The following SULF2 variants were observed in gnomAD, a reference collection of about 807,000 sequenced individuals.
The protein encoded by SULF2 is sulfatase 2.
A neutral mutation model predicts 107.7 loss-of-function variants in SULF2; 52 were observed. The observed-to-expected ratio is 0.48, with a 90% CI of 0.39 to 0.61. The LOEUF (loss-of-function observed/expected upper bound fraction) is 0.61. Ranked by LOEUF, SULF2 falls within the 20% of genes least tolerant of loss-of-function variation. The pLI is 0.00. For missense variants in SULF2, 993 were observed against 1,177.3 expected, an observed-to-expected ratio of 0.84 and a Z score of 2.29; for synonymous variants, 460 against 464.3, an observed-to-expected ratio of 0.99 and a Z score of 0.12.
intron 2 of SULF2, among the ~76,000 whole-genome samples, chr20:47,745,382 GAAA>G (rs1158560282): frequency 6.5e-3 from 338 of 51,826 alleles, no homozygotes; most frequent in Middle Eastern, 0.012. Context: ...AGTTTTGAGG[GAAA>G]AAAAAAAAAA....
chr20:47,712,033 C>G (rs113704998), intron 3 of SULF2, among the ~76,000 whole-genome samples: 12 of 152,300 alleles, frequency 7.9e-5, no homozygotes, highest in African/African-American at 2.4e-4. Context: ...AGCACATATA[C>G]ACACATACAC....
intron 1 of SULF2, among the ~76,000 whole-genome samples, chr20:47,783,812 C>G (rs2090873548): frequency 6.6e-6 from 1 of 152,178 alleles, no homozygotes; most frequent in Non-Finnish European, 1.5e-5. Flanking sequence ...CTTCGCCTTT[C>G]AAGCTGCTTA....
At chr20:47,767,121 C>T (rs1244301640) in intron 1 of SULF2, among the ~76,000 whole-genome samples, 11 of 152,126 alleles carry the variant, frequency 7.2e-5, no homozygotes, top group African/African-American at 1.4e-4. Flanking sequence ...ATCTCAGCTC[C>T]GTCACTTACT....
rs894716617 is a variant in SULF2, at chr20:47,665,431, C to T, written c.1903-138G>A. On this transcript the variant is annotated intron_variant, in intron 13 of 20. Transcript: ENST00000688720. Reference sequence around the variant, plus strand: ...ACTCCCCGGGCCCCAGGGCAAGCACCGGCATGTCTGGGTGGGGAGGAGGTA... The same window carrying T: ...ACTCCCCGGGCCCCAGGGCAAGCACTGGCATGTCTGGGTGGGGAGGAGGTA... 3 of 688,002 alleles carry T rather than the reference C, an allele frequency of 4.4e-6. No homozygotes were observed. In the South Asian group the frequency reaches 5.0e-5, roughly 12 times the overall value. The allele number at this position is 688,002 out of a possible 1,614,324, so 42.6% of individuals were successfully genotyped here.
intron 3 of SULF2, among the ~76,000 whole-genome samples, chr20:47,728,755 C>T (rs2089516470): frequency 2.6e-5 from 4 of 152,220 alleles, no homozygotes; most frequent in Non-Finnish European, 5.9e-5. Context: ...CAGTGGTTCT[C>T]CTGCCTCAGC....
At chr20:47,757,120 G>C in intron 2 of SULF2, 69 bp downstream of exon 2, 1 of 1,392,840 alleles carries the variant, frequency 7.2e-7, no homozygotes, top group Non-Finnish European at 9.6e-7. Context: ...CTTGCCTCAG[G>C]AGCCTCAGCC....
chr20:47,719,582 A>G (rs756577991), intron 3 of SULF2, among the ~76,000 whole-genome samples: 2 of 152,208 alleles, frequency 1.3e-5, no homozygotes, highest in Non-Finnish European at 2.9e-5. Context: ...AGCACCTATC[A>G]TCTCTAATCC....
chr20:47,744,933 T>C (rs968251837), intron 2 of SULF2, among the ~76,000 whole-genome samples: 10 of 151,924 alleles, frequency 6.6e-5, no homozygotes, highest in African/African-American at 2.2e-4. Context: ...CAAATGAATA[T>C]GTGTGTGTGT....
intron 3 of SULF2, among the ~76,000 whole-genome samples, chr20:47,714,396 G>A (rs569408522): frequency 7.4e-4 from 112 of 151,912 alleles, no homozygotes; most frequent in South Asian, 3.3e-3. Flanking sequence ...CCATGGAGGG[G>A]ACTTCAGCTC....
rs571219474 is a variant in SULF2 at position 47,762,029 on chromosome 20, C to T, written c.-100-4566G>A. 2.0e-5 allele frequency among the ~76,000 whole-genome samples: 3 copies of T among 152,344 alleles called. No individual in the cohort carries two copies. The South Asian group carries it at 6.2e-4, about 32-fold the overall frequency. The stretch of plus-strand genomic sequence containing the variant: ...TTTGTCTGCCATCACATAAGACGTG[C>T]CTTTCACCTTCCACCATGATTGTAA... On this transcript the variant is annotated intron_variant, in intron 1 of 20. Coordinates refer to ENST00000688720, the MANE Select transcript of SULF2 (RefSeq NM_001387048.1).
chr20:47,721,147 A>G (rs200318003), intron 3 of SULF2, among the ~76,000 whole-genome samples: 2 of 3,658 alleles, frequency 5.5e-4, no homozygotes, highest in South Asian at 0.032. Flanking sequence ...TCTGCTTTTG[A>G]AAAAAAAAAT....
Position 47,745,393 on chromosome 20 carries a change from AAAAAAAAAAAAAAAAAAATATATAT to A in SULF2, c.176-8476_176-8452del, listed in dbSNP as rs1413578885. On this transcript the variant is annotated intron_variant, in intron 2 of 20. Transcript: ENST00000688720. ...TCTGAGTTTTGAGGGAAAAAAAAAA[AAAAAAAAAAAAAAAAAAATATATAT>A]ATATATATATATATATATATATATA... Among the ~76,000 whole-genome samples, 4 of 16,780 alleles carry A rather than the reference AAAAAAAAAAAAAAAAAAATATATAT, an allele frequency of 2.4e-4. No individual in the cohort carries two copies. The African/African-American group carries it at 2.8e-3, about 12-fold the overall frequency. 11.0% of individuals were successfully genotyped at this position (16,780 alleles called of 152,430 possible).
chr20:47,699,584 C>A (rs547730528), intron 4 of SULF2, among the ~76,000 whole-genome samples: 1 of 151,994 alleles, frequency 6.6e-6, no homozygotes, highest in Non-Finnish European at 1.5e-5. Context: ...AAGGTTGGGG[C>A]TCTCAACTTG....
At chr20:47,739,123 C>T (rs2089816684) in intron 2 of SULF2, among the ~76,000 whole-genome samples, 2 of 152,322 alleles carry the variant, frequency 1.3e-5, no homozygotes, top group Admixed American at 6.5e-5. Flanking sequence ...GCCATGCTAA[C>T]ACCTTGATTT....
chr20:47,738,072 G>A (rs1473786364), intron 2 of SULF2, among the ~76,000 whole-genome samples: 1 of 152,156 alleles, frequency 6.6e-6, no homozygotes, highest in East Asian at 1.9e-4. Flanking sequence ...CAACCAAGCT[G>A]TAAGCAGAGC....
At chr20:47,769,012 C>G (rs2090578284) in intron 1 of SULF2, among the ~76,000 whole-genome samples, 1 of 150,184 alleles carries the variant, frequency 6.7e-6, no homozygotes, top group African/African-American at 2.5e-5. Context: ...TCCTGAGTAG[C>G]TGGGATTACA....
In SULF2 at chr20:47,690,153, C is replaced by G. The variant is rs368790693; in HGVS notation, c.710G>C (p.Arg237Pro). The change falls in exon 5 of 21, where the codon CGC becomes CCC. Residue 237 changes from arginine (R) to proline (P), a missense_variant. Arg to Pro is a moderately radical substitution (Grantham distance 103, BLOSUM62 -2). Coordinates refer to ENST00000688720, the MANE Select transcript of SULF2 (RefSeq NM_001387048.1). ...GTGCTGAGATGCGTTTGGGAAGAGG[C>G]GTGAATATTGTGGGGCTGAATCCTC... ...GPEDSAPQYS[R>P]LFPNASQHIT... 3 of 1,530,712 alleles carry G rather than the reference C, an allele frequency of 2.0e-6. No individual in the cohort carries two copies. The highest frequency in any genetic ancestry group is 1.8e-4 in the Middle Eastern group (1 of 5,692). The allele number at this position is 1,530,712 out of a possible 1,614,324, so 94.8% of individuals were successfully genotyped here. A position where few individuals can be genotyped will look rare whatever the true frequency, so the allele number is the denominator to read the frequency against.
Position 47,681,580 on chromosome 20 carries a change from A to T in SULF2, c.1064+1414T>A, listed in dbSNP as rs149464800. Among the ~76,000 whole-genome samples, 387 of 152,260 alleles carry T rather than the reference A, an allele frequency of 2.5e-3. 3 individuals are homozygous for T. The highest frequency in any genetic ancestry group is 9.1e-3 in the African/African-American group (377 of 41,532). ...GTTTCAAGCCCCAGCCCCTTCCCTT[A>T]CTTGCTGTAAACTCAGGCAACTTAA... On this transcript the variant is annotated intron_variant, in intron 7 of 20. Transcript: ENST00000688720.
chr20:47,714,137 C>T (rs2089027220), intron 3 of SULF2, among the ~76,000 whole-genome samples: 1 of 152,250 alleles, frequency 6.6e-6, no homozygotes. Context: ...AGACCCGCGC[C>T]ATTTCGCAGG....
Sources: allele counts gnomAD v4.1 joint callset (sites outside exome capture counted in the v4.1 genomes callset), GRCh38; gene constraint gnomAD v4.1.1; transcripts MANE v1.5; gene names NCBI Gene and HGNC (gene_info 2026-07-23, HGNC 2026-07-21).